The following SLK variants were observed in gnomAD, a reference collection of about 807,000 sequenced individuals.
The protein encoded by SLK is STE20-like serine/threonine-protein kinase.
Under a neutral mutation model 147.7 loss-of-function variants are expected in SLK, and 67 were observed. That is an observed-to-expected ratio of 0.45 (90% CI 0.37 to 0.56). The LOEUF (loss-of-function observed/expected upper bound fraction) is 0.56. Ranked by LOEUF, SLK falls within the 20% of genes least tolerant of loss-of-function variation. The probability of loss-of-function intolerance (pLI) is 0.00; values close to 1 mark genes in which losing one functional copy is unlikely to be tolerated. For missense variants in SLK, 1,136 were observed against 1,438.8 expected, an observed-to-expected ratio of 0.79 and a Z score of 3.41; for synonymous variants, 441 against 475.0, an observed-to-expected ratio of 0.93 and a Z score of 0.93.
At chr10:103,992,062 T>C (rs990883746) in intron 2 of SLK, among the ~76,000 whole-genome samples, 3 of 150,892 alleles carry the variant, frequency 2.0e-5, no homozygotes, top group African/African-American at 7.3e-5. Flanking sequence ...TGTTATGTCT[T>C]ACCAGGGAAG....
chr10:104,023,256 C>T (rs535099514), intron 18 of SLK, among the ~76,000 whole-genome samples: 1 of 152,280 alleles, frequency 6.6e-6, no homozygotes, highest in East Asian at 1.9e-4. Flanking sequence ...CAGTTTTGCC[C>T]CTGTAGTAAA....
At chr10:103,970,613 C>T (rs182937449) in intron 1 of SLK, among the ~76,000 whole-genome samples, 106 of 151,870 alleles carry the variant, frequency 7.0e-4, no homozygotes, top group African/African-American at 2.4e-3. Flanking sequence ...CCTCTTTTTT[C>T]TAAAAGTTTT....
intron 12 of SLK, among the ~76,000 whole-genome samples, chr10:104,009,737 A>G (rs1314630775): frequency 2.6e-5 from 4 of 152,126 alleles, no homozygotes; most frequent in Admixed American, 2.6e-4. Flanking sequence ...TCAGCCACGA[A>G]CATGTTTGAG....
At chr10:104,024,421 G>A (rs1360541961) in intron 18 of SLK, among the ~76,000 whole-genome samples, 2 of 152,112 alleles carry the variant, frequency 1.3e-5, no homozygotes, top group Admixed American at 6.5e-5. Flanking sequence ...AGCCTTCATA[G>A]TGCCACACCT....
chr10:103,969,519 T>C (rs1843765470), intron 1 of SLK, among the ~76,000 whole-genome samples: 1 of 152,234 alleles, frequency 6.6e-6, no homozygotes, highest in Admixed American at 6.5e-5. Flanking sequence ...CCTTAGCGTA[T>C]AGTGATGTGT....
chr10:104,021,689 C>G lies in SLK; in HGVS notation c.3517C>G (p.Gln1173Glu), dbSNP rs142839532. 521 of 1,609,318 alleles carry G rather than the reference C, an allele frequency of 3.2e-4. No homozygotes were observed. Among genetic ancestry groups the G allele is most frequent in the Non-Finnish European group, 4.2e-4 (496 of 1,176,944 alleles). ...KLKELDEEHS[Q>E]ELKEWREKLR... ...GAAGGAGTTAGATGAGGAACATAGCCAAGAATTAAAGGAGTGGAGAGAGAA... is the reference window on the plus strand; with the variant it reads ...GAAGGAGTTAGATGAGGAACATAGCGAAGAATTAAAGGAGTGGAGAGAGAA... The change falls in exon 18 of 19, where the codon CAA becomes GAA. Residue 1173 changes from glutamine to glutamate, a missense_variant. By Grantham distance (29) the Gln-to-Glu change is conservative. Around this residue, in one of 6 missense-constraint regions of SLK, gnomAD observed 327 missense variants for 457.5 expected, o/e 0.71. Coordinates refer to ENST00000369755, the MANE Select transcript of SLK (RefSeq NM_014720.4).
At chr10:104,023,668 CTG>C (rs1240647612) in intron 18 of SLK, among the ~76,000 whole-genome samples, 1 of 152,190 alleles carries the variant, frequency 6.6e-6, no homozygotes, top group Non-Finnish European at 1.5e-5. Context: ...TTTTTGGTCA[CTG>C]TATCTCAGTA....
chr10:104,007,339 CTTATTCCTGTAA>C (rs1844340220), intron 11 of SLK, among the ~76,000 whole-genome samples: 1 of 152,086 alleles, frequency 6.6e-6, no homozygotes, highest in African/African-American at 2.4e-5. Context: ...GGCGCAGTGC[CTTATTCCTGTAA>C]TCCTAGCACT....
intron 18 of SLK, among the ~76,000 whole-genome samples, chr10:104,024,025 T>C (rs1219677090): frequency 6.6e-6 from 1 of 152,168 alleles, no homozygotes; most frequent in East Asian, 1.9e-4. Flanking sequence ...TTCATCTCCA[T>C]CTCACGTTTC....
intron 13 of SLK, among the ~76,000 whole-genome samples, chr10:104,015,659 C>T (rs1451998527): frequency 6.8e-6 from 1 of 147,816 alleles, no homozygotes; most frequent in Non-Finnish European, 1.5e-5. Context: ...TTACTAAGTG[C>T]TTAATAAAGG....
rs772802361 is a variant in SLK, at chr10:104,008,317, G to C, written c.2745G>C (p.Leu915Phe). ...TCAAAGGAGAACAAGAGAAAGAGTTGTCCAAATTTCAGAATATGCTGAAGA... is the reference window on the plus strand; with the variant it reads ...TCAAAGGAGAACAAGAGAAAGAGTTCTCCAAATTTCAGAATATGCTGAAGA... ...KRIKGEQEKELSKFQNMLKNR... is the reference protein window; with the variant it reads ...KRIKGEQEKEFSKFQNMLKNR... Residue 915 changes from leucine (L) to phenylalanine (F), a missense_variant, in exon 12 of 19, where the codon TTG becomes TTC. Transcript: ENST00000369755. 4.3e-6 allele frequency: 7 copies of C among 1,612,848 alleles called. No individual in the cohort carries two copies. Among genetic ancestry groups the C allele is most frequent in the Non-Finnish European group, 1.7e-6 (2 of 1,179,476 alleles).
chr10:104,002,826 G>A lies in SLK; in HGVS notation c.1648G>A (p.Gly550Arg), dbSNP rs759835914. ...DVISNTSDVI[G>R]TCEAADVAQK... The stretch of plus-strand genomic sequence containing the variant: ...GATCAGCAATACAAGTGATGTGATA[G>A]GAACATGTGAGGCAGCAGATGTGGC... The change falls in exon 9 of 19, where the codon GGA (glycine) becomes AGA (arginine). Residue 550 changes from glycine (G) to arginine (R), a missense_variant. By Grantham distance (125) the Gly-to-Arg change is moderately radical. Coordinates refer to ENST00000369755, the MANE Select transcript of SLK (RefSeq NM_014720.4). The A allele has an allele frequency of 1.9e-6, 3 of 1,613,974 alleles. No individual in the cohort carries two copies. The highest frequency in any genetic ancestry group is 2.5e-6 in the Non-Finnish European group (3 of 1,179,992).
chr10:103,992,141 G>GT (rs56381345), intron 2 of SLK, among the ~76,000 whole-genome samples: 1,967 of 91,772 alleles, frequency 0.021, 182 homozygotes, highest in South Asian at 0.14. Flanking sequence ...TATTTCTTCT[G>GT]TTTTTTTTTT....
At chr10:103,986,968 G>A (rs183339647) in intron 1 of SLK, among the ~76,000 whole-genome samples, 4 of 152,260 alleles carry the variant, frequency 2.6e-5, no homozygotes, top group South Asian at 2.1e-4. Flanking sequence ...GAGCCACCAC[G>A]CCTGGCCTAT....
Position 104,001,468 on chromosome 10 carries a change from A to G in SLK, c.889A>G (p.Asn297Asp). 1 of 1,614,178 alleles carries G rather than the reference A, an allele frequency of 6.2e-7. No homozygotes were observed. Among genetic ancestry groups the G allele is most frequent in the Non-Finnish European group, 8.5e-7 (1 of 1,180,014 alleles). The change falls in exon 8 of 19, where the codon AAC (asparagine) becomes GAC (aspartate). Residue 297 changes from asparagine to aspartate, a missense_variant. Asn to Asp is a conservative substitution (Grantham distance 23, BLOSUM62 1). This residue lies in a region of SLK where 141 missense variants were observed against 219.3 expected (regional missense o/e 0.64). Transcript: ENST00000369755. The part of the protein sequence containing the change: ...LQHPFVTVDS[N>D]KPIRELIAEA... Reference sequence around the variant, plus strand: ...GCATCCCTTTGTTACTGTTGATTCCAACAAACCCATCCGAGAATTGATTGC... The same window carrying G: ...GCATCCCTTTGTTACTGTTGATTCCGACAAACCCATCCGAGAATTGATTGC...
rs535670591 is a variant in SLK, at chr10:103,984,288, C to T, written c.151-6387C>T. On this transcript the variant is annotated intron_variant, in intron 1 of 18. Transcript: ENST00000369755. ...TATTTCCAATTTATATAGGTAAAAACATTAAAATAATCATTGAATTTTATT... is the reference window on the plus strand; with the variant it reads ...TATTTCCAATTTATATAGGTAAAAATATTAAAATAATCATTGAATTTTATT... Among the ~76,000 whole-genome samples the T allele has an allele frequency of 3.9e-5, 6 of 152,212 alleles. No individual in the cohort carries two copies. The South Asian group carries it at 1.2e-3, about 32-fold the overall frequency.
At chr10:103,990,983 A>G (rs991267030) in intron 2 of SLK, 144 bp downstream of exon 2, 2 of 418,926 alleles carry the variant, frequency 4.8e-6, no homozygotes, top group South Asian at 8.8e-5. Context: ...TGATCTGCTG[A>G]TAAGAGAGTA....
rs373232158 is a variant in SLK at position 104,002,753 on chromosome 10, A to T, written c.1575A>T (p.Glu525Asp). 3 of 1,613,872 alleles carry T rather than the reference A, an allele frequency of 1.9e-6. No homozygotes were observed. The African/African-American group carries it at 4.0e-5, about 22-fold the overall frequency. ...AVDSEVGLTKEDTQEKLGEDD... is the reference protein window; with the variant it reads ...AVDSEVGLTKDDTQEKLGEDD... ...ATAGTGAAGTTGGGCTTACAAAGGA[A>T]GACACCCAAGAGAAATTGGGGGAAG... Residue 525 changes from glutamate (E) to aspartate (D), a missense_variant, in exon 9 of 19, where the codon GAA becomes GAT. Coordinates refer to ENST00000369755, the MANE Select transcript of SLK (RefSeq NM_014720.4).
At chr10:104,018,755 G>A (rs1308000149) in intron 14 of SLK, 29 bp from the exon 15 acceptor site, 6 of 1,588,572 alleles carry the variant, frequency 3.8e-6, no homozygotes, top group Non-Finnish European at 5.1e-6. Context: ...AAAGAGCAAA[G>A]TGACATTTTG....
Sources: gnomAD v4.1 joint callset for allele counts (sites outside exome capture counted in the v4.1 genomes callset) on GRCh38, gnomAD v4.1.1 for gene constraint, gnomAD v4.1.1 regional missense constraint, MANE v1.5 for transcripts, NCBI Gene and HGNC (gene_info 2026-07-23, HGNC 2026-07-21) for gene names.